The following ADCY6 variants were observed in gnomAD, a reference collection of about 807,000 sequenced individuals.
The protein encoded by ADCY6 is adenylate cyclase type 6.
In ADCY6, 59 loss-of-function variants were observed where a neutral mutation model predicts 111.6. The ratio of observed to expected loss-of-function variants is 0.53; its 90% CI spans 0.43 to 0.66. ADCY6 has a LOEUF of 0.66. Ranked by LOEUF, ADCY6 falls within the 30% of genes least tolerant of loss-of-function variation. The probability of loss-of-function intolerance (pLI) is 0.00; values close to 1 mark genes in which losing one functional copy is unlikely to be tolerated. For missense variants in ADCY6, 1,242 were observed against 1,595.6 expected (o/e 0.78, Z 3.78); for synonymous variants, 576 against 642.9 (o/e 0.90, Z 1.57).
rs1350317750 is a variant in ADCY6, at chr12:48,766,893, T to G, written c.*1698A>C. 1.3e-5 allele frequency: 2 copies of G among 152,234 alleles called. No homozygotes were observed. The highest frequency in any genetic ancestry group is 4.8e-5 in the African/African-American group (2 of 41,394). 9.4% of individuals were successfully genotyped at this position (152,234 alleles called of 1,614,324 possible). ...ACAGAGAAACTGAGGCACCAACAAATTCAGGCCAGAGTCAAGGAGGTTGCA... is the reference window on the plus strand; with the variant it reads ...ACAGAGAAACTGAGGCACCAACAAAGTCAGGCCAGAGTCAAGGAGGTTGCA... On this transcript the variant is annotated 3_prime_UTR_variant, in exon 22 of 22. Coordinates refer to ENST00000357869, the MANE Select transcript of ADCY6 (RefSeq NM_015270.5).
rs1308200285 is a variant in ADCY6 at position 48,768,914 on chromosome 12, G to A, written c.3381+23C>T. On this transcript the variant is annotated intron_variant, in intron 21 of 21. Transcript: ENST00000357869. ...GCCCTCCGGGCCCATGTTCCTCCCA[G>A]CCCCTGCTCATATCCCCCTCACCTG... 6 of 1,594,248 alleles carry A rather than the reference G, an allele frequency of 3.8e-6. No homozygotes were observed. The African/African-American group carries it at 5.4e-5, about 14-fold the overall frequency.
intron 1 of ADCY6, among the ~76,000 whole-genome samples, chr12:48,784,315 GAAATAAAATA>G (rs201262016): frequency 7.3e-4 from 92 of 126,600 alleles, no homozygotes; most frequent in African/African-American, 1.8e-3. Flanking sequence ...GGAAGGGAGG[GAAATAAAATA>G]AAATAAAATA....
chr12:48,773,605 CAG>C lies in ADCY6; in HGVS notation c.2483_2484del (p.Ser828CysfsTer35). 2 of 1,614,134 alleles carry C rather than the reference CAG, an allele frequency of 1.2e-6. No individual in the cohort carries two copies. Among genetic ancestry groups the C allele is most frequent in the Non-Finnish European group, 1.7e-6 (2 of 1,180,012 alleles). On this transcript the variant is annotated frameshift_variant, in exon 16 of 22. Transcript: ENST00000357869. LOFTEE classifies it high-confidence loss of function. Reference sequence around the variant, plus strand: ...CCGATGCTGCTGATGTGCAGGAAGACAGAGCTGGCCAAGAGACTCAGCAGCAT... The same window carrying C: ...CCGATGCTGCTGATGTGCAGGAAGACAGCTGGCCAAGAGACTCAGCAGCAT... ...GNMLLSLLAS[S>X]VFLHISSIGK...
rs755290608 is a variant in ADCY6, at chr12:48,783,356, G to A, written c.79C>T (p.Arg27Cys). Residue 27 changes from arginine (R) to cysteine (C), a missense_variant, in exon 2 of 22, where the codon CGT (arginine) becomes TGT (cysteine). Physicochemically the swap from Arg to Cys is radical, Grantham distance 180 (BLOSUM62 -3). Around this residue, in one of 4 missense-constraint regions of ADCY6, gnomAD observed 362 missense variants for 377.2 expected, o/e 0.96. Transcript: ENST00000357869. ...TAWGERNGQK[R>C]SRRRGTRAGG... The stretch of plus-strand genomic sequence containing the variant: ...GCCCGAGTGCCACGGCGCCGCGAAC[G>A]CTTCTGCCCATTGCGTTCACCCCAG... 5.0e-6 allele frequency: 8 copies of A among 1,614,090 alleles called. No individual in the cohort carries two copies. The highest frequency in any genetic ancestry group is 4.5e-5 in the East Asian group (2 of 44,896).
At chr12:48,784,664 A>AGTTTTTTTTT (rs1941942625) in intron 1 of ADCY6, among the ~76,000 whole-genome samples, 3 of 84,218 alleles carry the variant, frequency 3.6e-5, no homozygotes, top group African/African-American at 1.0e-4. Flanking sequence ...AAAAATCTGG[A>AGTTTTTTTTT]GTTTTTTTTT....
Position 48,782,933 on chromosome 12 carries a change from C to A in ADCY6, c.502G>T (p.Ala168Ser). ...GGGCGGGCGGGTGCGGCGTGGAAAG[C>A]CAGCAGCACCGCTGTGAGCAGCACC... is the stretch of plus-strand genomic sequence containing the variant. Reference protein sequence around the residue: ...VLVLLTAVLLAFHAAPARPQP... With the variant: ...VLVLLTAVLLSFHAAPARPQP... Residue 168 changes from alanine (A) to serine (S), a missense_variant, in exon 2 of 22, where the codon GCT becomes TCT. Physicochemically the swap from Ala to Ser is moderately conservative, Grantham distance 99. Around this residue, in one of 4 missense-constraint regions of ADCY6, gnomAD observed 362 missense variants for 377.2 expected, o/e 0.96. Coordinates refer to ENST00000357869, the MANE Select transcript of ADCY6 (RefSeq NM_015270.5). This position sits in a 1 kb window ranked among gnomAD's most constrained non-coding sequence, Gnocchi z 4.3. 6.2e-7 allele frequency: 1 copy of A among 1,613,442 alleles called. No individual in the cohort carries two copies. The highest frequency in any genetic ancestry group is 8.5e-7 in the Non-Finnish European group (1 of 1,179,896).
intron 1 of ADCY6, among the ~76,000 whole-genome samples, chr12:48,788,652 A>C (rs887048561): frequency 7.2e-5 from 11 of 151,968 alleles, no homozygotes; most frequent in African/African-American, 2.7e-4. Context: ...GCCAGCCTGG[A>C]ACTCGCCCCG....
In ADCY6 at chr12:48,778,147, G is replaced by A. The variant is rs780324245; in HGVS notation, c.975C>T (p.Ile325=). The A allele has an allele frequency of 4.3e-6, 7 of 1,613,752 alleles. No homozygotes were observed. Among genetic ancestry groups the A allele is most frequent in the Non-Finnish European group, 5.9e-6 (7 of 1,179,906 alleles). ...RQAFQETRGY[I]QARLHLQHEN... is the part of the protein sequence containing the mutation. ...CATGCTGCAGGTGGAGCCGGGCCTGGATGTAACCGCGGGTCTCCTGAAAGG... is the reference window on the plus strand; with the variant it reads ...CATGCTGCAGGTGGAGCCGGGCCTGAATGTAACCGCGGGTCTCCTGAAAGG... The change falls in exon 3 of 22, where the codon ATC becomes ATT. Residue 325 remains isoleucine, a synonymous_variant. Coordinates refer to ENST00000357869, the MANE Select transcript of ADCY6 (RefSeq NM_015270.5).
rs1941429805 is a variant in ADCY6, at chr12:48,768,333, G to C, written c.*258C>G. ...ACTGACCCCTCCCCTGCTCCCAAAG[G>C]CTGGAAGATTGGAGAGGGAACAGCC... On this transcript the variant is annotated 3_prime_UTR_variant, in exon 22 of 22. Transcript: ENST00000357869. 3.7e-6 allele frequency: 2 copies of C among 541,184 alleles called. No individual in the cohort carries two copies. The highest frequency in any genetic ancestry group is 6.6e-6 in the Non-Finnish European group (2 of 301,906). The allele number at this position is 541,184 out of a possible 1,614,324, so 33.5% of individuals were successfully genotyped here.
chr12:48,772,229 A>G (rs1941568513), intron 18 of ADCY6, 66 bp downstream of exon 18: 1 of 1,541,366 alleles, frequency 6.5e-7, no homozygotes, highest in South Asian at 1.3e-5. Flanking sequence ...CACAAGATAC[A>G]TTTCTGGCCT....
intron 11 of ADCY6, 73 bp from the exon 12 acceptor site, chr12:48,775,127 A>G: frequency 6.8e-7 from 1 of 1,461,042 alleles, no homozygotes; most frequent in Non-Finnish European, 9.4e-7. Flanking sequence ...ACAGGGCACT[A>G]CCAGGGGTCT....
chr12:48,773,705 A>G (rs1941613883), intron 15 of ADCY6, 58 bp from the exon 16 acceptor site: 1 of 1,602,006 alleles, frequency 6.2e-7, no homozygotes, highest in Admixed American at 1.7e-5. Flanking sequence ...ACCCTTGGGC[A>G]GGGAGAGCCC....
At position 48,771,333 on chromosome 12, in the gene ADCY6, G is replaced by T; in HGVS notation, c.3052-363C>A. The T allele has an allele frequency of 4.1e-6, 2 of 483,474 alleles. No homozygotes were observed. Among genetic ancestry groups the T allele is most frequent in the South Asian group, 4.3e-5 (2 of 46,378 alleles). 29.9% of individuals were successfully genotyped at this position (483,474 alleles called of 1,614,324 possible). A position where few individuals can be genotyped will look rare whatever the true frequency, so the allele number is the denominator to read the frequency against. On this transcript the variant is annotated intron_variant, in intron 19 of 21. Coordinates refer to ENST00000357869, the MANE Select transcript of ADCY6 (RefSeq NM_015270.5). This position sits in a 1 kb window ranked among gnomAD's most constrained non-coding sequence, Gnocchi z 4.3. ...AGCCCATTCCTGATCTGGATGTTCA[G>T]GACACTACCTCACATTTTGCTTCAA... is the stretch of plus-strand genomic sequence containing the variant.
chr12:48,769,142 G>A, intron 20 of ADCY6, 81 bp from the exon 21 acceptor site: 1 of 1,363,366 alleles, frequency 7.3e-7, no homozygotes. Flanking sequence ...GGCACTGGTA[G>A]AAGGACCCAG....
intron 14 of ADCY6, 25 bp from the exon 15 acceptor site, chr12:48,774,123 G>A: frequency 6.3e-7 from 1 of 1,591,342 alleles, no homozygotes; most frequent in Non-Finnish European, 8.6e-7. Flanking sequence ...GGGTATATCA[G>A]GGTAACCAAG....
chr12:48,784,315 G>GAAATAAAATAAAATA (rs201262016), intron 1 of ADCY6, among the ~76,000 whole-genome samples: 7 of 126,530 alleles, frequency 5.5e-5, no homozygotes, highest in African/African-American at 1.8e-4. Context: ...GGAAGGGAGG[G>GAAATAAAATAAAATA]AAATAAAATA....
rs1489140943 is a variant in ADCY6, at chr12:48,776,528, G to A, written c.1435C>T (p.Arg479Cys). 9 of 1,613,692 alleles carry A rather than the reference G, an allele frequency of 5.6e-6. No individual in the cohort carries two copies. The highest frequency in any genetic ancestry group is 3.3e-5 in the South Asian group (3 of 91,080). ...VNMRVGIHSG[R>C]VHCGVLGLRK... ...AAGCCAAGGACGCCGCAGTGCACGCGCCCGCTGTGGATGCCCACGCGCATG... is the reference window on the plus strand; with the variant it reads ...AAGCCAAGGACGCCGCAGTGCACGCACCCGCTGTGGATGCCCACGCGCATG... The change falls in exon 7 of 22, where the codon CGC (arginine) becomes TGC (cysteine). Residue 479 changes from arginine (R) to cysteine (C), a missense_variant. Arg to Cys is a radical substitution (Grantham distance 180). This residue lies in a region of ADCY6 where 260 missense variants were observed against 414.6 expected (regional missense o/e 0.63). Coordinates refer to ENST00000357869, the MANE Select transcript of ADCY6 (RefSeq NM_015270.5). This position sits in a 1 kb window ranked among gnomAD's most constrained non-coding sequence, Gnocchi z 6.1.
rs544533472 is a variant in ADCY6, at chr12:48,780,996, C to G, written c.864+1575G>C. Among the ~76,000 whole-genome samples the G allele has an allele frequency of 1.5e-4, 23 of 152,228 alleles. No homozygotes were observed. The South Asian group carries it at 3.7e-3, about 25-fold the overall frequency. ...CGGGTGGATCATGAGGTCAAGAGAT[C>G]GAGACCATCCTGGCCAACATGGTGA... On this transcript the variant is annotated intron_variant, in intron 2 of 21. Transcript: ENST00000357869.
intron 1 of ADCY6, among the ~76,000 whole-genome samples, chr12:48,784,633 T>C (rs891593038): frequency 1.3e-5 from 2 of 150,018 alleles, no homozygotes; most frequent in South Asian, 4.3e-4. Context: ...CGATCTGATT[T>C]TTCTCAACAG....
Sources: allele counts gnomAD v4.1 joint callset (sites outside exome capture counted in the v4.1 genomes callset), GRCh38; gene constraint gnomAD v4.1.1; regional missense constraint gnomAD v4.1.1; non-coding constraint Gnocchi (gnomAD v3.1); transcripts MANE v1.5; gene names NCBI Gene and HGNC (gene_info 2026-07-23, HGNC 2026-07-21).